Variants in ZBTB46 observed in about 807,000 individuals in gnomAD.
ZBTB46 encodes the protein zinc finger and BTB domain-containing protein 46.
In ZBTB46, 8 loss-of-function variants were observed where a neutral mutation model predicts 44.1. That is an observed-to-expected ratio of 0.18 (90% CI 0.11 to 0.33). The LOEUF is 0.33. Among genes scored for constraint, ZBTB46 ranks in the 10% least tolerant of loss-of-function variants. The pLI is 1.00. For synonymous variants in ZBTB46, 409 were observed against 382.3 expected, an observed-to-expected ratio of 1.07 and a Z score of -0.81; for missense variants, 651 against 847.7, an observed-to-expected ratio of 0.77 and a Z score of 2.88.
Position 63,776,013 on chromosome 20 carries a change from C to A in ZBTB46, c.938-51G>T, listed in dbSNP as rs1350325838. 4 of 1,494,420 alleles carry A rather than the reference C, an allele frequency of 2.7e-6. No homozygotes were observed. The South Asian group carries it at 5.4e-5, about 20-fold the overall frequency. 92.6% of individuals were successfully genotyped at this position (1,494,420 alleles called of 1,614,324 possible). A position where few individuals can be genotyped will look rare whatever the true frequency, so the allele number is the denominator to read the frequency against. ...AAGACACGGGTCGTTCCCAGACTCT[C>A]CAAGTGGGACAGGCGACACATTTAG... On this transcript the variant is annotated intron_variant, in intron 2 of 4. Coordinates refer to ENST00000245663, the MANE Select transcript of ZBTB46 (RefSeq NM_001369741.1).
chr20:63,791,689 G>C (rs1337930884), intron 1 of ZBTB46, among the ~76,000 whole-genome samples: 1 of 151,580 alleles, frequency 6.6e-6, no homozygotes, highest in Non-Finnish European at 1.5e-5. Context: ...AGGGAGCTCA[G>C]GCCCTGCGGC....
chr20:63,822,609 C>T (rs974039220), intron 1 of ZBTB46, among the ~76,000 whole-genome samples: 5 of 152,140 alleles, frequency 3.3e-5, no homozygotes, highest in Admixed American at 1.3e-4. Flanking sequence ...CATCAGTCAA[C>T]GGCTGCTGTT....
chr20:63,754,642 C>A (rs2092203228), intron 3 of ZBTB46, among the ~76,000 whole-genome samples: 1 of 150,762 alleles, frequency 6.6e-6, no homozygotes, highest in Admixed American at 6.6e-5. Context: ...CTCTGTCACC[C>A]AGGCTGGAGT....
At chr20:63,818,283 C>A (rs1209972430) in intron 1 of ZBTB46, among the ~76,000 whole-genome samples, 3 of 152,216 alleles carry the variant, frequency 2.0e-5, no homozygotes, top group African/African-American at 7.2e-5. Flanking sequence ...GCAAAGCCAC[C>A]CAGAAACCAG....
intron 1 of ZBTB46, among the ~76,000 whole-genome samples, chr20:63,802,252 G>A (rs932956913): frequency 3.9e-5 from 6 of 152,102 alleles, no homozygotes; most frequent in East Asian, 1.9e-4. Flanking sequence ...GTAAACCCCC[G>A]TCTCTACTAA....
intron 3 of ZBTB46, among the ~76,000 whole-genome samples, chr20:63,760,633 T>C (rs2092265674): frequency 6.6e-6 from 1 of 152,102 alleles, no homozygotes; most frequent in Non-Finnish European, 1.5e-5. Context: ...ATTTTTTCTA[T>C]TTTTAGTAGA....
At chr20:63,804,581 T>C (rs1404417994) in intron 1 of ZBTB46, among the ~76,000 whole-genome samples, 1 of 151,948 alleles carries the variant, frequency 6.6e-6, no homozygotes, top group Non-Finnish European at 1.5e-5. Flanking sequence ...GCCCAACACA[T>C]ACACTTGGGG....
chr20:63,749,035 C>T (rs1186618248), intron 4 of ZBTB46, among the ~76,000 whole-genome samples: 1 of 152,256 alleles, frequency 6.6e-6, no homozygotes, highest in African/African-American at 2.4e-5. Flanking sequence ...CACGGCCCGA[C>T]CTCCCCTTCT....
intron 1 of ZBTB46, among the ~76,000 whole-genome samples, chr20:63,823,295 G>C (rs2092802588): frequency 6.6e-6 from 1 of 152,112 alleles, no homozygotes; most frequent in African/African-American, 2.4e-5. Flanking sequence ...AGGAGTTCAA[G>C]ACCAGCGTGG....
chr20:63,826,582 G>A (rs762070077), intron 1 of ZBTB46, among the ~76,000 whole-genome samples: 12 of 151,416 alleles, frequency 7.9e-5, no homozygotes, highest in Non-Finnish European at 1.8e-4. Flanking sequence ...AAAATTAGCC[G>A]GGCATGTTGG....
At chr20:63,789,531 C>A (rs1156819552) in intron 2 of ZBTB46, among the ~76,000 whole-genome samples, 2 of 152,246 alleles carry the variant, frequency 1.3e-5, no homozygotes, top group African/African-American at 4.8e-5. Flanking sequence ...CGGCTCACGT[C>A]CCTGTGGCTT....
intron 1 of ZBTB46, among the ~76,000 whole-genome samples, chr20:63,806,760 C>G (rs760212485): frequency 4.5e-4 from 68 of 152,080 alleles, no homozygotes; most frequent in Admixed American, 7.9e-4. Flanking sequence ...AGGCGCCCAC[C>G]ACCACGCCCA....
rs549851620 is a variant in ZBTB46 at position 63,763,583 on chromosome 20, T to C, written c.1223-10722A>G. Among the ~76,000 whole-genome samples, 5 of 152,264 alleles carry C rather than the reference T, an allele frequency of 3.3e-5. No homozygotes were observed. The East Asian group carries it at 7.7e-4, about 23-fold the overall frequency. On this transcript the variant is annotated intron_variant, in intron 3 of 4. Transcript: ENST00000245663. ...TCGACCGGATCTTGTGAGACCTCAC[T>C]ATCATGAGGACAGCACTAAGGGGAG...
chr20:63,819,607 T>C (rs1402042148), intron 1 of ZBTB46, among the ~76,000 whole-genome samples: 1 of 152,112 alleles, frequency 6.6e-6, no homozygotes, highest in Non-Finnish European at 1.5e-5. Context: ...ACAGCAACAG[T>C]GTCCCAGGGG....
chr20:63,802,419 C>CA (rs1187645581), intron 1 of ZBTB46, among the ~76,000 whole-genome samples: 138 of 144,826 alleles, frequency 9.5e-4, no homozygotes, highest in African/African-American at 2.5e-3. Flanking sequence ...GAGACCCTCT[C>CA]AAAAAAAAAA....
chr20:63,748,792 G>A (rs867645861), intron 4 of ZBTB46, among the ~76,000 whole-genome samples: 2 of 152,372 alleles, frequency 1.3e-5, no homozygotes, highest in African/African-American at 4.8e-5. Context: ...AGGCTGGGAT[G>A]TGCTTGTGAG....
Position 63,803,944 on chromosome 20 carries a change from C to G in ZBTB46, c.-33-13154G>C, listed in dbSNP as rs940441348. ...GGTCTTGAATTCCTAAACGAACCTGCCGCCCTGGCTTCTCAAAGCGCTGGG... is the reference window on the plus strand; with the variant it reads ...GGTCTTGAATTCCTAAACGAACCTGGCGCCCTGGCTTCTCAAAGCGCTGGG... On this transcript the variant is annotated intron_variant, in intron 1 of 4. Coordinates refer to ENST00000245663, the MANE Select transcript of ZBTB46 (RefSeq NM_001369741.1). The surrounding 1 kb of genome is among the most constrained non-coding windows in gnomAD (Gnocchi z 4.0). Among the ~76,000 whole-genome samples, 1 of 152,186 alleles carries G rather than the reference C, an allele frequency of 6.6e-6. No individual in the cohort carries two copies. Among genetic ancestry groups the G allele is most frequent in the Non-Finnish European group, 1.5e-5 (1 of 68,038 alleles).
Position 63,803,289 on chromosome 20 carries a change from A to G in ZBTB46, c.-33-12499T>C. ...TGAAAAAATTAAGGTTAAGACATGA[A>G]TACTGTGAAACTGTCGTACAAATTA... On this transcript the variant is annotated intron_variant, in intron 1 of 4. Transcript: ENST00000245663. The surrounding 1 kb of genome is among the most constrained non-coding windows in gnomAD (Gnocchi z 4.0). 1.0e-6 allele frequency: 1 copy of G among 983,788 alleles called. No individual in the cohort carries two copies. The highest frequency in any genetic ancestry group is 1.2e-6 in the Non-Finnish European group (1 of 828,406). 60.9% of individuals were successfully genotyped at this position (983,788 alleles called of 1,614,324 possible). A position where few individuals can be genotyped will look rare whatever the true frequency, so the allele number is the denominator to read the frequency against.
chr20:63,750,385 A>C (rs1170283838), intron 4 of ZBTB46, among the ~76,000 whole-genome samples: 2 of 148,126 alleles, frequency 1.4e-5, no homozygotes, highest in Admixed American at 6.7e-5. Flanking sequence ...AGCTGGGACC[A>C]CACTTGGCTA....
Sources: gnomAD v4.1 joint callset for allele counts (sites outside exome capture counted in the v4.1 genomes callset) on GRCh38, gnomAD v4.1.1 for gene constraint, Gnocchi (gnomAD v3.1) non-coding constraint, MANE v1.5 for transcripts, NCBI Gene and HGNC (gene_info 2026-07-23, HGNC 2026-07-21) for gene names.